The following SAMD4A variants were observed in gnomAD, a reference collection of about 807,000 sequenced individuals.
SAMD4A encodes protein Smaug homolog 1.
A neutral mutation model predicts 81.3 loss-of-function variants in SAMD4A; 33 were observed. That is an observed-to-expected ratio of 0.41 (90% CI 0.31 to 0.54). The LOEUF (loss-of-function observed/expected upper bound fraction) is 0.54, where lower values mean the gene tolerates loss of function less well. Ranked by LOEUF, SAMD4A falls within the 20% of genes least tolerant of loss-of-function variation. SAMD4A has a pLI of 0.37. For missense variants in SAMD4A, 854 were observed against 951.1 expected, an observed-to-expected ratio of 0.90 and a Z score of 1.34; for synonymous variants, 389 against 382.1, an observed-to-expected ratio of 1.02 and a Z score of -0.21.
In SAMD4A at chr14:54,666,737, T is replaced by G. The variant is rs1267722262; in HGVS notation, c.197-35325T>G. On this transcript the variant is annotated intron_variant, in intron 2 of 12. Coordinates refer to ENST00000554335, the MANE Select transcript of SAMD4A (RefSeq NM_015589.6). ...TAACTGAGAAGACAAATGATTCCCA[T>G]TTAGGATGGGAATTTTTGTGCAATT... Among the ~76,000 whole-genome samples the G allele has an allele frequency of 7.2e-5, 11 of 152,176 alleles. No individual in the cohort carries two copies. In the East Asian group the frequency reaches 1.9e-3, roughly 27 times the overall value.
chr14:54,784,270 G>A, intron 11 of SAMD4A: 2 of 1,262,324 alleles, frequency 1.6e-6, no homozygotes, highest in South Asian at 2.6e-5. Flanking sequence ...GGAGGCCGCT[G>A]GAGGGTTCTG....
chr14:54,740,234 GA>G (rs982206928), intron 4 of SAMD4A, among the ~76,000 whole-genome samples: 7 of 152,176 alleles, frequency 4.6e-5, no homozygotes, highest in Admixed American at 1.3e-4. Flanking sequence ...GAGGTGCTTT[GA>G]AAAAGAGCTG....
intron 3 of SAMD4A, among the ~76,000 whole-genome samples, chr14:54,713,488 T>C (rs2037042334): frequency 1.3e-5 from 2 of 152,030 alleles, no homozygotes; most frequent in East Asian, 1.9e-4. Context: ...TTTTTGTGGG[T>C]TGGAGGAAGG....
At chr14:54,600,700 G>A (rs1401673649) in intron 2 of SAMD4A, among the ~76,000 whole-genome samples, 2 of 152,144 alleles carry the variant, frequency 1.3e-5, no homozygotes, top group South Asian at 2.1e-4. Context: ...CATTGTTGAA[G>A]GTGAAAGCCC....
At chr14:54,568,149 C>T in intron 2 of SAMD4A, 37 bp downstream of exon 2, 1 of 1,426,488 alleles carries the variant, frequency 7.0e-7, no homozygotes, top group Non-Finnish European at 9.1e-7. Flanking sequence ...GTCCCGCCTG[C>T]CCAACCCCCG....
At chr14:54,738,990 T>C (rs1310170199) in intron 4 of SAMD4A, among the ~76,000 whole-genome samples, 4 of 152,040 alleles carry the variant, frequency 2.6e-5, no homozygotes, top group African/African-American at 9.7e-5. Flanking sequence ...AGAATGCTGA[T>C]TCCACTGTCT....
At chr14:54,722,401 G>T (rs1156855815) in intron 3 of SAMD4A, among the ~76,000 whole-genome samples, 1 of 152,160 alleles carries the variant, frequency 6.6e-6, no homozygotes, top group East Asian at 1.9e-4. Context: ...TCAAGCTGTT[G>T]TACAAATCTA....
chr14:54,681,606 A>G (rs2036129824), intron 2 of SAMD4A, among the ~76,000 whole-genome samples: 1 of 151,914 alleles, frequency 6.6e-6, no homozygotes, highest in Non-Finnish European at 1.5e-5. Context: ...ATTTTTAAAA[A>G]TCTTCTATAG....
At chr14:54,697,542 G>A (rs1275892715) in intron 2 of SAMD4A, among the ~76,000 whole-genome samples, 1 of 152,130 alleles carries the variant, frequency 6.6e-6, no homozygotes, top group African/African-American at 2.4e-5. Flanking sequence ...TAATCAGGAC[G>A]GGGGCGCTGA....
At chr14:54,596,422 T>C (rs150801517) in intron 2 of SAMD4A, among the ~76,000 whole-genome samples, 311 of 152,094 alleles carry the variant, frequency 2.0e-3, no homozygotes, top group African/African-American at 7.2e-3. Context: ...CTGTCTCTAC[T>C]AAAAATACAA....
At chr14:54,677,835 G>C (rs2036024876) in intron 2 of SAMD4A, among the ~76,000 whole-genome samples, 1 of 152,118 alleles carries the variant, frequency 6.6e-6, no homozygotes, top group South Asian at 2.1e-4. Flanking sequence ...TGGTTAAAAG[G>C]GCATTTTTTT....
At chr14:54,685,278 C>CCCA (rs1555343092) in intron 2 of SAMD4A, among the ~76,000 whole-genome samples, 3 of 147,354 alleles carry the variant, frequency 2.0e-5, no homozygotes, top group South Asian at 4.7e-4. Context: ...CTTCCTGCCC[C>CCCA]CCCCCCCAGC....
At chr14:54,760,966 G>A (rs2038381906) in intron 7 of SAMD4A, among the ~76,000 whole-genome samples, 1 of 145,494 alleles carries the variant, frequency 6.9e-6, no homozygotes, top group Non-Finnish European at 1.5e-5. Flanking sequence ...TGCCAGCCTT[G>A]GCAGTGGCCT....
At chr14:54,593,632 C>T (rs1363639855) in intron 2 of SAMD4A, among the ~76,000 whole-genome samples, 2 of 152,112 alleles carry the variant, frequency 1.3e-5, no homozygotes, top group East Asian at 1.9e-4. Flanking sequence ...CTTAGTTTCG[C>T]TTAATTTTGA....
chr14:54,679,430 C>A (rs1276123600), intron 2 of SAMD4A, among the ~76,000 whole-genome samples: 1 of 152,172 alleles, frequency 6.6e-6, no homozygotes, highest in East Asian at 1.9e-4. Flanking sequence ...CCAAAAATAC[C>A]AATCTGCAAC....
chr14:54,643,619 A>G (rs2035221790), intron 2 of SAMD4A, among the ~76,000 whole-genome samples: 1 of 152,238 alleles, frequency 6.6e-6, no homozygotes. Context: ...GCCGGTAGGC[A>G]AGAGTCGGTA....
intron 2 of SAMD4A, among the ~76,000 whole-genome samples, chr14:54,675,976 G>A (rs916688353): frequency 6.6e-5 from 10 of 152,192 alleles, no homozygotes; most frequent in African/African-American, 2.2e-4. Context: ...ATCCTTCCAC[G>A]GGAGGGCTCC....
intron 2 of SAMD4A, among the ~76,000 whole-genome samples, chr14:54,591,988 C>T (rs1194427004): frequency 3.3e-5 from 5 of 151,898 alleles, no homozygotes; most frequent in Non-Finnish European, 7.4e-5. Context: ...GTGCCTTTTT[C>T]CCTTTTCCTC....
In SAMD4A at chr14:54,793,139, T is replaced by G. The variant is rs2039287227; in HGVS notation, c.*4195T>G. The stretch of plus-strand genomic sequence containing the variant: ...ATACTAATGTTTGAAGATGCTGTTC[T>G]TTGCAAGTGTACAGTTTTCAAATGT... On this transcript the variant is annotated 3_prime_UTR_variant, in exon 13 of 13. Coordinates refer to ENST00000554335, the MANE Select transcript of SAMD4A (RefSeq NM_015589.6). 1 of 152,252 alleles carries G rather than the reference T, an allele frequency of 6.6e-6. No homozygotes were observed. Among genetic ancestry groups the G allele is most frequent in the Non-Finnish European group, 1.5e-5 (1 of 68,034 alleles). 9.4% of individuals were successfully genotyped at this position (152,252 alleles called of 1,614,324 possible). A position where few individuals can be genotyped will look rare whatever the true frequency, so the allele number is the denominator to read the frequency against.
Sources: gnomAD v4.1 joint callset for allele counts (sites outside exome capture counted in the v4.1 genomes callset) on GRCh38, gnomAD v4.1.1 for gene constraint, MANE v1.5 for transcripts, NCBI Gene and HGNC (gene_info 2026-07-23, HGNC 2026-07-21) for gene names.